Variants in SLC7A11 observed in about 807,000 individuals in gnomAD.
SLC7A11 encodes the protein cystine/glutamate transporter.
SLC7A11 carries 35 observed loss-of-function variants against 54.5 expected under a neutral mutation model. The ratio of observed to expected loss-of-function variants is 0.64; its 90% confidence interval spans 0.49 to 0.85. SLC7A11 has a LOEUF of 0.85. Ranked by LOEUF, SLC7A11 falls within the 40% of genes least tolerant of loss-of-function variation. SLC7A11 has a pLI of 0.00. For synonymous variants in SLC7A11, 230 were observed against 225.2 expected, an observed-to-expected ratio of 1.02 and a Z score of -0.19; for missense variants, 583 against 618.1, an observed-to-expected ratio of 0.94 and a Z score of 0.60.
Position 138,166,939 on chromosome 4 carries a change from G to A in SLC7A11, c.*5017C>T, listed in dbSNP as rs1157480318. On this transcript the variant is annotated 3_prime_UTR_variant, in exon 12 of 12. Transcript: ENST00000280612. Reference sequence around the variant, plus strand: ...TATGGAAAATTGGTGAATTTCCTGTGAGACTATGATTTATGCTTTTGTGAA... The same window carrying A: ...TATGGAAAATTGGTGAATTTCCTGTAAGACTATGATTTATGCTTTTGTGAA... 1 of 152,072 alleles carries A rather than the reference G, an allele frequency of 6.6e-6. No homozygotes were observed. 9.4% of individuals were successfully genotyped at this position (152,072 alleles called of 1,614,324 possible).
chr4:138,178,256 G>T (rs1288678863), intron 11 of SLC7A11: 1 of 152,102 alleles, frequency 6.6e-6, no homozygotes, highest in African/African-American at 2.4e-5. Context: ...TCCTGTGTTA[G>T]TTTGCTGAGA....
At position 138,164,788 on chromosome 4, in the gene SLC7A11, C is replaced by G. The variant is rs1055340450; in HGVS notation, c.*7168G>C. 6.6e-6 allele frequency: 1 copy of G among 152,060 alleles called. No individual in the cohort carries two copies. The highest frequency in any genetic ancestry group is 2.4e-5 in the African/African-American group (1 of 41,430). The allele number at this position is 152,060 out of a possible 1,614,324, so 9.4% of individuals were successfully genotyped here. ...TCTTTTTCAGCTGGATCTCTCTGTT[C>G]TTGTGTTTTCAATCACTAGACCAAA... On this transcript the variant is annotated 3_prime_UTR_variant, in exon 12 of 12. Transcript: ENST00000280612.
intron 3 of SLC7A11, among the ~76,000 whole-genome samples, chr4:138,229,213 C>T (rs550683799): frequency 2.0e-5 from 3 of 152,300 alleles, no homozygotes; most frequent in African/African-American, 7.2e-5. Context: ...ACCTTCCACC[C>T]CTAACAGGTA....
chr4:138,213,830 C>T (rs576936131), intron 6 of SLC7A11, among the ~76,000 whole-genome samples: 42 of 152,194 alleles, frequency 2.8e-4, no homozygotes, highest in Admixed American at 2.5e-3. Context: ...TGGAACATAG[C>T]AGATGTTCAA....
intron 3 of SLC7A11, among the ~76,000 whole-genome samples, chr4:138,232,033 G>T (rs537722174): frequency 6.6e-6 from 1 of 152,152 alleles, no homozygotes; most frequent in East Asian, 1.9e-4. Flanking sequence ...TACTAGTAAG[G>T]TGATTTTTAC....
chr4:138,202,655 C>T (rs1170946440), intron 6 of SLC7A11, among the ~76,000 whole-genome samples: 1 of 152,080 alleles, frequency 6.6e-6, no homozygotes, highest in Non-Finnish European at 1.5e-5. Flanking sequence ...CGTGTGTCAT[C>T]GACAAGAATC....
rs1553940836 is a variant in SLC7A11 at position 138,170,297 on chromosome 4, C to CACACAG, written c.*1658_*1659insCTGTGT. The CACACAG allele has an allele frequency of 1.3e-5, 1 of 74,878 alleles. No individual in the cohort carries two copies. Among genetic ancestry groups the CACACAG allele is most frequent in the African/African-American group, 5.4e-5 (1 of 18,678 alleles). The allele number at this position is 74,878 out of a possible 1,614,324, so 4.6% of individuals were successfully genotyped here. A position where few individuals can be genotyped will look rare whatever the true frequency, so the allele number is the denominator to read the frequency against. On this transcript the variant is annotated 3_prime_UTR_variant, in exon 12 of 12. Transcript: ENST00000280612. Reference sequence around the variant, plus strand: ...ACACACACACACACACACACACATACACACACATATATATATATATATAAT... The same window carrying CACACAG: ...ACACACACACACACACACACACATACACACAGACACACATATATATATATATATAAT...
intron 6 of SLC7A11, among the ~76,000 whole-genome samples, chr4:138,202,305 G>C (rs930817106): frequency 2.0e-5 from 3 of 151,842 alleles, no homozygotes; most frequent in Admixed American, 6.6e-5. Flanking sequence ...TCTACTTAAG[G>C]TGATCCCTTA....
chr4:138,212,719 A>G (rs542519581), intron 6 of SLC7A11, among the ~76,000 whole-genome samples: 3 of 152,084 alleles, frequency 2.0e-5, no homozygotes, highest in African/African-American at 7.2e-5. Context: ...TATGCTTAAT[A>G]TACACAATAG....
At chr4:138,190,223 A>C (rs576207359) in intron 6 of SLC7A11, among the ~76,000 whole-genome samples, 98 of 152,314 alleles carry the variant, frequency 6.4e-4, no homozygotes, top group African/African-American at 2.2e-3. Flanking sequence ...ATATTTTAAC[A>C]AATGTACTTG....
chr4:138,178,351 A>G (rs550657619), intron 11 of SLC7A11, among the ~76,000 whole-genome samples: 2 of 152,092 alleles, frequency 1.3e-5, no homozygotes, highest in Non-Finnish European at 2.9e-5. Flanking sequence ...TATCATATTT[A>G]TGTGCCACAT....
rs1316296343 is a variant in SLC7A11, at chr4:138,164,813, A to G, written c.*7143T>C. On this transcript the variant is annotated 3_prime_UTR_variant, in exon 12 of 12. Transcript: ENST00000280612. ...CTTGTGTTTTCAATCACTAGACCAA[A>G]CCCACGATGCCCCTGAAATTCTGGG... 1 of 152,056 alleles carries G rather than the reference A, an allele frequency of 6.6e-6. No individual in the cohort carries two copies. Among genetic ancestry groups the G allele is most frequent in the Non-Finnish European group, 1.5e-5 (1 of 67,976 alleles). 9.4% of individuals were successfully genotyped at this position (152,056 alleles called of 1,614,324 possible).
chr4:138,218,626 A>C (rs1288177703), intron 5 of SLC7A11, among the ~76,000 whole-genome samples: 1 of 152,190 alleles, frequency 6.6e-6, no homozygotes, highest in Non-Finnish European at 1.5e-5. Context: ...CATACATCAA[A>C]GGAAATATAT....
intron 11 of SLC7A11, chr4:138,175,651 T>C (rs1249607304): frequency 6.6e-6 from 1 of 152,198 alleles, no homozygotes; most frequent in Admixed American, 6.6e-5. Context: ...ATGTTTTCTT[T>C]TCTCCCTAGA....
intron 11 of SLC7A11, among the ~76,000 whole-genome samples, chr4:138,175,249 A>G (rs991691799): frequency 7.2e-5 from 11 of 152,208 alleles, no homozygotes; most frequent in Admixed American, 5.9e-4. Flanking sequence ...CTCACTGTCC[A>G]CAAAGATGCA....
chr4:138,216,994 C>T (rs1737696402), intron 5 of SLC7A11, among the ~76,000 whole-genome samples: 1 of 152,164 alleles, frequency 6.6e-6, no homozygotes, highest in South Asian at 2.1e-4. Flanking sequence ...CTTTTAGCCT[C>T]CATCTTGTTT....
intron 6 of SLC7A11, among the ~76,000 whole-genome samples, chr4:138,195,679 T>C (rs971173749): frequency 3.9e-5 from 6 of 152,232 alleles, no homozygotes; most frequent in Admixed American, 3.3e-4. Context: ...GTTTTTAATA[T>C]GAAGATAAAC....
intron 6 of SLC7A11, among the ~76,000 whole-genome samples, chr4:138,185,878 C>G (rs1736864156): frequency 6.6e-6 from 1 of 152,010 alleles, no homozygotes; most frequent in Admixed American, 6.6e-5. Flanking sequence ...GTATATAAGA[C>G]AAGAAAGCAC....
At chr4:138,238,395 CCAAGTGCTCAAATGTAAGAACA>C in intron 1 of SLC7A11, among the ~76,000 whole-genome samples, 1 of 152,226 alleles carries the variant, frequency 6.6e-6, no homozygotes, top group East Asian at 1.9e-4. Flanking sequence ...ATCTGTACTG[CCAAGTGCTCAAATGTAAGAACA>C]CAATTTTTTT....
Sources: allele counts gnomAD v4.1 joint callset (sites outside exome capture counted in the v4.1 genomes callset), GRCh38; gene constraint gnomAD v4.1.1; transcripts MANE v1.5; gene names NCBI Gene and HGNC (gene_info 2026-07-23, HGNC 2026-07-21).